LDB2: variants seen among roughly 807,000 people sequenced by gnomAD.
LDB2 encodes the protein LIM domain binding 2.
A neutral mutation model predicts 44.3 loss-of-function variants in LDB2; 12 were observed. The ratio of observed to expected loss-of-function variants is 0.27; its 90% confidence interval spans 0.17 to 0.44. The LOEUF (loss-of-function observed/expected upper bound fraction) is 0.44. LDB2 is among the 20% of genes least tolerant of loss of function. LDB2 has a pLI of 1.00. For synonymous variants in LDB2, 164 were observed against 174.8 expected (o/e 0.94, Z 0.49); for missense variants, 344 against 473.5 (o/e 0.73, Z 2.54).
At chr4:16,597,366 A>G (rs905051437) in intron 2 of LDB2, among the ~76,000 whole-genome samples, 14 of 152,260 alleles carry the variant, frequency 9.2e-5, no homozygotes, top group African/African-American at 3.4e-4. Context: ...ACATTTTCTT[A>G]ATACTGCCTA....
At chr4:16,867,913 T>C (rs745747569) in intron 1 of LDB2, among the ~76,000 whole-genome samples, 2 of 152,176 alleles carry the variant, frequency 1.3e-5, no homozygotes, top group Non-Finnish European at 2.9e-5. Flanking sequence ...ACCTGACCAC[T>C]TCAAAAACAA....
intron 2 of LDB2, among the ~76,000 whole-genome samples, chr4:16,709,786 A>G (rs1192638543): frequency 1.3e-5 from 2 of 152,212 alleles, no homozygotes; most frequent in South Asian, 2.1e-4. Context: ...TTGAAATACT[A>G]TAAGTGAGAA....
intron 2 of LDB2, among the ~76,000 whole-genome samples, chr4:16,709,439 A>G (rs949102698): frequency 2.0e-5 from 3 of 152,138 alleles, no homozygotes. Flanking sequence ...ACATGAACAC[A>G]TGGGGTCTGT....
At chr4:16,842,935 T>C (rs1370930790) in intron 1 of LDB2, among the ~76,000 whole-genome samples, 1 of 152,174 alleles carries the variant, frequency 6.6e-6, no homozygotes, top group Non-Finnish European at 1.5e-5. Flanking sequence ...TAACACAAAG[T>C]AAGTTTATGA....
chr4:16,510,475 A>G (rs1721303746), intron 6 of LDB2, among the ~76,000 whole-genome samples: 1 of 152,200 alleles, frequency 6.6e-6, no homozygotes, highest in South Asian at 2.1e-4. Context: ...CCTGACAAGT[A>G]TCTTCTTTCT....
intron 1 of LDB2, among the ~76,000 whole-genome samples, chr4:16,826,891 C>CT (rs1783150905): frequency 6.6e-6 from 1 of 152,058 alleles, no homozygotes; most frequent in Non-Finnish European, 1.5e-5. Flanking sequence ...GGCATCAAGA[C>CT]TGACATTTGA....
At chr4:16,835,399 C>A (rs1483072749) in intron 1 of LDB2, among the ~76,000 whole-genome samples, 1 of 152,108 alleles carries the variant, frequency 6.6e-6, no homozygotes, top group Non-Finnish European at 1.5e-5. Context: ...ACTTTTTGAG[C>A]CTCTTTTGTG....
intron 1 of LDB2, among the ~76,000 whole-genome samples, chr4:16,860,457 C>T (rs921697686): frequency 1.3e-5 from 2 of 152,288 alleles, no homozygotes; most frequent in South Asian, 2.1e-4. Flanking sequence ...GTCTCTATCT[C>T]GCTGATTCAC....
intron 1 of LDB2, among the ~76,000 whole-genome samples, chr4:16,839,438 G>A (rs1042341795): frequency 2.0e-5 from 3 of 152,096 alleles, no homozygotes; most frequent in African/African-American, 7.2e-5. Context: ...TGTTCATGAG[G>A]GATCCACCTC....
chr4:16,516,056 CG>C (rs1723591320), intron 5 of LDB2, among the ~76,000 whole-genome samples: 1 of 151,396 alleles, frequency 6.6e-6, no homozygotes, highest in South Asian at 2.1e-4. Context: ...TTAGTAGAGA[CG>C]GGATTTCACC....
chr4:16,515,046 C>G (rs1486475477), intron 5 of LDB2, among the ~76,000 whole-genome samples: 4 of 152,176 alleles, frequency 2.6e-5, no homozygotes, highest in African/African-American at 9.7e-5. Flanking sequence ...AAGTGCCCAT[C>G]AGTGGTGGAT....
intron 2 of LDB2, among the ~76,000 whole-genome samples, chr4:16,724,025 T>G (rs1331627491): frequency 2.6e-5 from 4 of 152,162 alleles, no homozygotes; most frequent in Non-Finnish European, 4.4e-5. Context: ...ATCTCCTCAC[T>G]GCCTACAGCA....
chr4:16,510,021 G>T (rs1487752768), intron 6 of LDB2, among the ~76,000 whole-genome samples: 1 of 152,262 alleles, frequency 6.6e-6, no homozygotes, highest in East Asian at 1.9e-4. Flanking sequence ...AGGCTGAGGT[G>T]TGAGAATCAC....
intron 1 of LDB2, among the ~76,000 whole-genome samples, chr4:16,860,070 G>A (rs561824109): frequency 1.3e-5 from 2 of 152,200 alleles, no homozygotes; most frequent in East Asian, 3.9e-4. Flanking sequence ...TTCAAACATG[G>A]GAAAATGCAC....
Position 16,534,915 on chromosome 4 carries a change from G to T in LDB2, c.616-22811C>A, listed in dbSNP as rs116068351. Among the ~76,000 whole-genome samples, 1,485 of 152,210 alleles carry T rather than the reference G, an allele frequency of 9.8e-3. 21 individuals are homozygous for T. Among genetic ancestry groups the T allele is most frequent in the African/African-American group, 0.034 (1,409 of 41,538 alleles). ...ATCAGCATGGCCACCCCATCCTAGTGTCCAGACCCAAACTACATACTAAGA... is the reference window on the plus strand; with the variant it reads ...ATCAGCATGGCCACCCCATCCTAGTTTCCAGACCCAAACTACATACTAAGA... On this transcript the variant is annotated intron_variant, in intron 5 of 7. Coordinates refer to ENST00000304523, the MANE Select transcript of LDB2 (RefSeq NM_001290.5).
intron 5 of LDB2, among the ~76,000 whole-genome samples, chr4:16,570,334 G>A (rs1745988317): frequency 6.6e-6 from 1 of 150,854 alleles, no homozygotes; most frequent in Non-Finnish European, 1.5e-5. Flanking sequence ...GTGGTGGCGG[G>A]CACCTGTAGT....
chr4:16,665,422 C>A (rs545805716), intron 2 of LDB2, among the ~76,000 whole-genome samples: 1 of 151,938 alleles, frequency 6.6e-6, no homozygotes, highest in African/African-American at 2.4e-5. Context: ...TGTCCCACCA[C>A]ACCCGACTAA....
chr4:16,577,301 T>C (rs1259480348), intron 5 of LDB2, among the ~76,000 whole-genome samples: 1 of 152,042 alleles, frequency 6.6e-6, no homozygotes, highest in Non-Finnish European at 1.5e-5. Context: ...TCCTTGTTTG[T>C]CAATAACATC....
chr4:16,868,944 C>T (rs1016271006), intron 1 of LDB2, among the ~76,000 whole-genome samples: 2 of 151,640 alleles, frequency 1.3e-5, no homozygotes, highest in African/African-American at 4.8e-5. Context: ...ATGATGATGC[C>T]GGTGATGAGA....
Sources: gnomAD v4.1 joint callset for allele counts (sites outside exome capture counted in the v4.1 genomes callset) on GRCh38, gnomAD v4.1.1 for gene constraint, MANE v1.5 for transcripts, NCBI Gene and HGNC (gene_info 2026-07-23, HGNC 2026-07-21) for gene names.